The following BAIAP2L1 variants were observed in gnomAD, a reference collection of about 807,000 sequenced individuals.
BAIAP2L1 encodes the protein BAR/IMD domain-containing adapter protein 2-like 1.
In BAIAP2L1, 35 loss-of-function variants were observed where a neutral mutation model predicts 66.3. That is an observed-to-expected ratio of 0.53 (90% CI 0.40 to 0.70). The LOEUF (loss-of-function observed/expected upper bound fraction) is 0.70, where lower values mean the gene tolerates loss of function less well. Among genes scored for constraint, BAIAP2L1 ranks in the 30% least tolerant of loss-of-function variants. The probability of loss-of-function intolerance (pLI) is 0.00; values close to 1 mark genes in which losing one functional copy is unlikely to be tolerated. For missense variants in BAIAP2L1, 622 were observed against 656.9 expected, an observed-to-expected ratio of 0.95 and a Z score of 0.58; for synonymous variants, 269 against 248.7, an observed-to-expected ratio of 1.08 and a Z score of -0.77.
intron 1 of BAIAP2L1, among the ~76,000 whole-genome samples, chr7:98,390,350 T>A (rs1803005668): frequency 6.6e-6 from 1 of 152,190 alleles, no homozygotes; most frequent in Non-Finnish European, 1.5e-5. Flanking sequence ...AGCTTAGTTT[T>A]AAAAACATTA....
At chr7:98,352,878 A>T (rs1301828610) in intron 3 of BAIAP2L1, among the ~76,000 whole-genome samples, 1 of 152,140 alleles carries the variant, frequency 6.6e-6, no homozygotes, top group Non-Finnish European at 1.5e-5. Context: ...TAAAAAGGCA[A>T]ACTGGGTGTG....
At chr7:98,371,812 TGAGACG>T (rs1802516519) in intron 1 of BAIAP2L1, among the ~76,000 whole-genome samples, 1 of 150,860 alleles carries the variant, frequency 6.6e-6, no homozygotes, top group South Asian at 2.1e-4. Flanking sequence ...TTTTTTTTTC[TGAGACG>T]GAGTCTCGCT....
Position 98,306,457 on chromosome 7 carries a change from A to G in BAIAP2L1, c.1223T>C (p.Val408Ala). 1 of 1,614,188 alleles carries G rather than the reference A, an allele frequency of 6.2e-7. No individual in the cohort carries two copies. The highest frequency in any genetic ancestry group is 8.5e-7 in the Non-Finnish European group (1 of 1,180,038). ...KLLEENETEA[V>A]TVPTPSPTPV... is the part of the protein sequence containing the mutation. ...GGGCTACCTTGGCGTGGGCACGGTCACTGCTTCTGTCTCATTTTCTTCCAG... is the reference window on the plus strand; with the variant it reads ...GGGCTACCTTGGCGTGGGCACGGTCGCTGCTTCTGTCTCATTTTCTTCCAG... The change falls in exon 11 of 14, where the codon GTG becomes GCG. Residue 408 changes from valine to alanine, a missense_variant. Transcript: ENST00000005260.
chr7:98,373,076 C>A (rs1196186604), intron 1 of BAIAP2L1, among the ~76,000 whole-genome samples: 3 of 152,188 alleles, frequency 2.0e-5, no homozygotes, highest in Non-Finnish European at 1.5e-5. Context: ...TTGCTTCCTT[C>A]TTCCTTAAGT....
intron 8 of BAIAP2L1, 56 bp downstream of exon 8, chr7:98,312,041 C>T (rs1800892376): frequency 6.6e-7 from 1 of 1,517,628 alleles, no homozygotes; most frequent in Admixed American, 2.1e-5. Flanking sequence ...CAAATTTGGC[C>T]CAGATCAAGT....
At chr7:98,367,550 T>TG (rs1802412999) in intron 1 of BAIAP2L1, among the ~76,000 whole-genome samples, 1 of 148,292 alleles carries the variant, frequency 6.7e-6, no homozygotes, top group Non-Finnish European at 1.5e-5. Flanking sequence ...TTTTTTTTTT[T>TG]TGTGAGACGG....
At chr7:98,296,780 C>T (rs1800209253) in intron 12 of BAIAP2L1, among the ~76,000 whole-genome samples, 2 of 152,260 alleles carry the variant, frequency 1.3e-5, no homozygotes, top group South Asian at 4.1e-4. Flanking sequence ...AGGAGCCTCT[C>T]TGCCTCCCTC....
chr7:98,305,976 C>T (rs150823878), intron 11 of BAIAP2L1, among the ~76,000 whole-genome samples: 27 of 152,220 alleles, frequency 1.8e-4, no homozygotes, highest in Non-Finnish European at 3.5e-4. Context: ...CCCAAGAACA[C>T]TGATGTTTAA....
intron 1 of BAIAP2L1, among the ~76,000 whole-genome samples, chr7:98,373,556 T>C (rs1022267108): frequency 1.2e-4 from 18 of 152,188 alleles, no homozygotes; most frequent in Admixed American, 5.2e-4. Flanking sequence ...TCACCACCTC[T>C]GTGAGCCTCT....
intron 1 of BAIAP2L1, among the ~76,000 whole-genome samples, chr7:98,385,026 G>C (rs1214970005): frequency 6.6e-6 from 1 of 152,146 alleles, no homozygotes; most frequent in Admixed American, 6.5e-5. Context: ...AATCGCAGCT[G>C]GGTGGGTGCA....
In BAIAP2L1 at chr7:98,315,555, A is replaced by G; in HGVS notation, c.544T>C (p.Cys182Arg). Residue 182 changes from cysteine (C) to arginine (R), a missense_variant, in exon 7 of 14, where the codon TGC (cysteine) becomes CGC (arginine). Cys to Arg is a radical substitution (Grantham distance 180). Coordinates refer to ENST00000005260, the MANE Select transcript of BAIAP2L1 (RefSeq NM_018842.5). ...SEIQKFIADG[C>R]KEALLEEKRR... ...TTCTCTTCAAGCAGAGCCTCTTTGC[A>G]ACCATCTGCAATGAATTTCTGGATT... 1 of 1,503,172 alleles carries G rather than the reference A, an allele frequency of 6.7e-7. No individual in the cohort carries two copies. 93.1% of individuals were successfully genotyped at this position (1,503,172 alleles called of 1,614,324 possible).
chr7:98,390,287 G>A (rs1171141823), intron 1 of BAIAP2L1, among the ~76,000 whole-genome samples: 1 of 151,926 alleles, frequency 6.6e-6, no homozygotes, highest in Non-Finnish European at 1.5e-5. Flanking sequence ...TTTAAAATTA[G>A]GTTTATCTTT....
intron 6 of BAIAP2L1, 152 bp downstream of exon 6, chr7:98,317,067 G>A: frequency 2.2e-6 from 2 of 909,058 alleles, no homozygotes; most frequent in Admixed American, 4.6e-5. Context: ...TGGCCAGGCT[G>A]GTCTCGAACT....
intron 3 of BAIAP2L1, among the ~76,000 whole-genome samples, chr7:98,324,913 A>G (rs995351715): frequency 6.6e-6 from 1 of 152,240 alleles, no homozygotes; most frequent in African/African-American, 2.4e-5. Context: ...CTTTCCATTT[A>G]TATCTGATCA....
In BAIAP2L1 at chr7:98,400,616, A is replaced by T. The variant is rs1803345091; in HGVS notation, c.51+186T>A. On this transcript the variant is annotated intron_variant, in intron 1 of 13. Coordinates refer to ENST00000005260, the MANE Select transcript of BAIAP2L1 (RefSeq NM_018842.5). The stretch of plus-strand genomic sequence containing the variant: ...GGATGGGGAGGGACTGGGAGGAAGG[A>T]GAGGGCCAGGGGAGGAAGAAGAGGG... 4.6e-5 allele frequency among the ~76,000 whole-genome samples: 5 copies of T among 107,730 alleles called. No homozygotes were observed. The South Asian group carries it at 1.6e-3, about 34-fold the overall frequency. 70.7% of individuals were successfully genotyped at this position (107,730 alleles called of 152,430 possible).
rs752863802 is a variant in BAIAP2L1, at chr7:98,312,099, C to T, written c.805G>A (p.Val269Met). The change falls in exon 8 of 14, where the codon GTG becomes ATG. Residue 269 changes from valine to methionine, a missense_variant and splice_region_variant. Transcript: ENST00000005260. ...QASPMIERSN[V>M]VRKDYDTLSK... is the part of the protein sequence containing the mutation. ...TGGAAGAGAAAACTGGCTCCTACCACATTGCTTCTCTCGATCATGGGTGAA... is the reference window on the plus strand; with the variant it reads ...TGGAAGAGAAAACTGGCTCCTACCATATTGCTTCTCTCGATCATGGGTGAA... 1.6e-5 allele frequency: 25 copies of T among 1,594,510 alleles called. No homozygotes were observed. The East Asian group carries it at 3.8e-4, about 24-fold the overall frequency.
chr7:98,384,742 G>A (rs537950026), intron 1 of BAIAP2L1, among the ~76,000 whole-genome samples: 1 of 132,396 alleles, frequency 7.6e-6, no homozygotes, highest in East Asian at 2.2e-4. Context: ...CTGTTGCCCA[G>A]GCTGGAGCGT....
intron 3 of BAIAP2L1, among the ~76,000 whole-genome samples, chr7:98,331,302 A>C (rs1370192369): frequency 2.0e-5 from 3 of 152,114 alleles, no homozygotes; most frequent in Non-Finnish European, 2.9e-5. Flanking sequence ...AGAAGGGAAC[A>C]AAAACAATAA....
At chr7:98,355,308 AGCCAAGGGACAGC>A (rs1802094364) in intron 2 of BAIAP2L1, 180 bp from the exon 3 acceptor site, 1 of 611,190 alleles carries the variant, frequency 1.6e-6, no homozygotes, top group East Asian at 2.8e-5. Flanking sequence ...GAGGCCCTCC[AGCCAAGGGACAGC>A]CCCATGAGAT....
Sources: gnomAD v4.1 joint callset for allele counts (sites outside exome capture counted in the v4.1 genomes callset) on GRCh38, gnomAD v4.1.1 for gene constraint, MANE v1.5 for transcripts, NCBI Gene and HGNC (gene_info 2026-07-23, HGNC 2026-07-21) for gene names.